SMU1: variants seen among roughly 807,000 people sequenced by gnomAD.
SMU1 encodes the protein SMU1 DNA replication regulator and spliceosomal factor, also known as WD40 repeat-containing protein SMU1.
SMU1 carries 2 observed loss-of-function variants against 62.0 expected under a neutral mutation model. The observed-to-expected ratio is 0.03, with a 90% CI of 0.01 to 0.10. The LOEUF (loss-of-function observed/expected upper bound fraction) is 0.10, where lower values mean the gene tolerates loss of function less well. Among genes scored for constraint, SMU1 ranks in the 10% least tolerant of loss-of-function variants. The probability of loss-of-function intolerance (pLI) is 1.00; values close to 1 mark genes in which losing one functional copy is unlikely to be tolerated. For missense variants in SMU1, 227 were observed against 622.1 expected (o/e 0.36, Z 6.76); for synonymous variants, 188 against 212.4 (o/e 0.89, Z 1.00).
intron 1 of SMU1, among the ~76,000 whole-genome samples, chr9:33,074,591 G>A (rs1256137118): frequency 2.6e-5 from 4 of 152,048 alleles, no homozygotes; most frequent in Admixed American, 1.3e-4. Flanking sequence ...GCCTGGGAAA[G>A]AGAGCAAGAC....
At chr9:33,070,692 G>C (rs1839476160) in intron 3 of SMU1, among the ~76,000 whole-genome samples, 1 of 152,158 alleles carries the variant, frequency 6.6e-6, no homozygotes. Context: ...GTACTAGCTG[G>C]ACATATAAAA....
intron 6 of SMU1, 21 bp downstream of exon 6, chr9:33,060,441 GTTA>G: frequency 6.3e-7 from 1 of 1,585,572 alleles, no homozygotes; most frequent in Non-Finnish European, 8.5e-7. Flanking sequence ...CACTAGGAAG[GTTA>G]ACACATTTAA....
intron 4 of SMU1, among the ~76,000 whole-genome samples, chr9:33,066,711 CAGG>C (rs1314122265): frequency 2.0e-5 from 3 of 151,722 alleles, no homozygotes; most frequent in Admixed American, 2.0e-4. Flanking sequence ...GAGGCTGAGG[CAGG>C]AGAATTGCTC....
chr9:33,053,337 T>A (rs755548712), intron 9 of SMU1, 47 bp from the exon 10 acceptor site: 1 of 1,555,502 alleles, frequency 6.4e-7, no homozygotes, highest in East Asian at 2.3e-5. Flanking sequence ...GGTATAAAAA[T>A]TTCTAAAGTT....
chr9:33,074,772 C>CTTTTTT (rs757049046), intron 1 of SMU1, among the ~76,000 whole-genome samples: 5 of 133,960 alleles, frequency 3.7e-5, no homozygotes, highest in Admixed American at 7.7e-5. Flanking sequence ...CAAACATCCT[C>CTTTTTT]TTTTTTTTTT....
At chr9:33,073,303 C>T (rs1330975914) in intron 2 of SMU1, among the ~76,000 whole-genome samples, 1 of 151,896 alleles carries the variant, frequency 6.6e-6, no homozygotes, top group African/African-American at 2.4e-5. Flanking sequence ...GAGGCTGAGG[C>T]AGGAGGAAGG....
At position 33,072,245 on chromosome 9, in the gene SMU1, G is replaced by A. The variant is rs1481756591; in HGVS notation, c.238-353C>T. 5.9e-5 allele frequency among the ~76,000 whole-genome samples: 9 copies of A among 152,166 alleles called. No homozygotes were observed. The East Asian group carries it at 9.6e-4, about 16-fold the overall frequency. The stretch of plus-strand genomic sequence containing the variant: ...CCAGCTACTTGGGAGGCTGAGGCAG[G>A]AGAATTGCTTGAACCCGAGAGGCGG... On this transcript the variant is annotated intron_variant, in intron 2 of 11. Transcript: ENST00000397149.
chr9:33,042,325 A>G lies in SMU1; in HGVS notation c.*4968T>C, dbSNP rs1839135152. ...GTAAGCAGCCATATTTAATTCTCAG[A>G]ACAATGTAATGAGGGAGAGCCTATG... On this transcript the variant is annotated 3_prime_UTR_variant, in exon 12 of 12. Transcript: ENST00000397149. The G allele has an allele frequency of 6.5e-6, 1 of 152,808 alleles. No individual in the cohort carries two copies. Among genetic ancestry groups the G allele is most frequent in the African/African-American group, 2.4e-5 (1 of 41,438 alleles). The allele number at this position is 152,808 out of a possible 1,614,324, so 9.5% of individuals were successfully genotyped here.
At chr9:33,074,504 GGAA>G (rs1172371242) in intron 1 of SMU1, among the ~76,000 whole-genome samples, 2 of 152,074 alleles carry the variant, frequency 1.3e-5, no homozygotes, top group African/African-American at 4.8e-5. Flanking sequence ...CAGCTACCTG[GGAA>G]GCTGGGGTGG....
At position 33,067,297 on chromosome 9, in the gene SMU1, CAAAAAAAA is replaced by C. The variant is rs58105257; in HGVS notation, c.501+1519_501+1526del. Among the ~76,000 whole-genome samples the C allele has an allele frequency of 1.9e-4, 10 of 52,746 alleles. No homozygotes were observed. In the Admixed American group the frequency reaches 2.2e-3, roughly 11 times the overall value. The allele number at this position is 52,746 out of a possible 152,430, so 34.6% of individuals were successfully genotyped here. A position where few individuals can be genotyped will look rare whatever the true frequency, so the allele number is the denominator to read the frequency against. ...CTGAAGAAAGTTAGTTGCTAATGAC[CAAAAAAAA>C]AAAAAAAAAAAAAAAAAAATCAGGT... is the stretch of plus-strand genomic sequence containing the variant. On this transcript the variant is annotated intron_variant, in intron 4 of 11. Transcript: ENST00000397149.
Position 33,075,890 on chromosome 9 carries a change from C to T in SMU1, c.26+693G>A, listed in dbSNP as rs535032479. 1.9e-3 allele frequency among the ~76,000 whole-genome samples: 283 copies of T among 152,296 alleles called. 2 individuals are homozygous for T. Among genetic ancestry groups the T allele is most frequent in the African/African-American group, 6.2e-3 (259 of 41,552 alleles). On this transcript the variant is annotated intron_variant, in intron 1 of 11. Coordinates refer to ENST00000397149, the MANE Select transcript of SMU1 (RefSeq NM_018225.3). ...GTCTTCTTTAGTCACTAATTCTCATCCCCTATTCCTTGAAAATTTTTCTTT... is the reference window on the plus strand; with the variant it reads ...GTCTTCTTTAGTCACTAATTCTCATTCCCTATTCCTTGAAAATTTTTCTTT...
intron 5 of SMU1, 29 bp downstream of exon 5, chr9:33,062,020 C>T (rs1353897001): frequency 4.4e-6 from 7 of 1,609,146 alleles, no homozygotes; most frequent in Non-Finnish European, 5.9e-6. Context: ...CAAATGATTA[C>T]TGACTGGCTG....
chr9:33,051,850 T>A (rs971137868), intron 10 of SMU1, among the ~76,000 whole-genome samples: 9 of 151,370 alleles, frequency 5.9e-5, no homozygotes, highest in Admixed American at 4.6e-4. Context: ...AGGTCAGGAG[T>A]TCGAGACCAG....
In SMU1 at chr9:33,048,145, A is replaced by G. The variant is rs1413103032; in HGVS notation, c.1404T>C (p.Cys468=). 1.2e-6 allele frequency: 2 copies of G among 1,613,996 alleles called. No individual in the cohort carries two copies. Among genetic ancestry groups the G allele is most frequent in the African/African-American group, 2.7e-5 (2 of 74,900 alleles). Residue 468 remains cysteine, a synonymous_variant, in exon 11 of 12, where the codon TGT becomes TGC. Transcript: ENST00000397149. Reference sequence around the variant, plus strand: ...CCAGTTTGCCAGTGACTGTACTGAAACAGTAGAGCACAAAGTCCTCCCCTA... The same window carrying G: ...CCAGTTTGCCAGTGACTGTACTGAAGCAGTAGAGCACAAAGTCCTCCCCTA... ...YCVGEDFVLY[C]FSTVTGKLER...
At chr9:33,073,565 C>A in intron 2 of SMU1, 31 bp downstream of exon 2, 1 of 1,566,368 alleles carries the variant, frequency 6.4e-7, no homozygotes, top group East Asian at 2.2e-5. Flanking sequence ...ACGAACCAAC[C>A]CATGGGGATC....
intron 4 of SMU1, among the ~76,000 whole-genome samples, chr9:33,062,964 G>T (rs1001637204): frequency 6.6e-6 from 1 of 152,082 alleles, no homozygotes; most frequent in African/African-American, 2.4e-5. Flanking sequence ...CATTATGAGG[G>T]GTGAAATAAT....
Position 33,042,192 on chromosome 9 carries a change from CT to C in SMU1, c.*5100del, listed in dbSNP as rs1839133790. ...AAACCGCAATTACTTTTGCACTAAC[CT>C]AATAGTTATATCCTGAAGAGGCAGA... On this transcript the variant is annotated 3_prime_UTR_variant, in exon 12 of 12. Transcript: ENST00000397149. 1 of 152,590 alleles carries C rather than the reference CT, an allele frequency of 6.6e-6. No individual in the cohort carries two copies. Among genetic ancestry groups the C allele is most frequent in the South Asian group, 2.1e-4 (1 of 4,822 alleles). The allele number at this position is 152,590 out of a possible 1,614,324, so 9.5% of individuals were successfully genotyped here.
rs1372821598 is a variant in SMU1, at chr9:33,042,313, T to C, written c.*4980A>G. Reference sequence around the variant, plus strand: ...CTTCATTACTATGTAAGCAGCCATATTTAATTCTCAGAACAATGTAATGAG... The same window carrying C: ...CTTCATTACTATGTAAGCAGCCATACTTAATTCTCAGAACAATGTAATGAG... On this transcript the variant is annotated 3_prime_UTR_variant, in exon 12 of 12. Coordinates refer to ENST00000397149, the MANE Select transcript of SMU1 (RefSeq NM_018225.3). The C allele has an allele frequency of 6.5e-6, 1 of 152,888 alleles. No individual in the cohort carries two copies. Among genetic ancestry groups the C allele is most frequent in the African/African-American group, 2.4e-5 (1 of 41,456 alleles). 9.5% of individuals were successfully genotyped at this position (152,888 alleles called of 1,614,324 possible). A position where few individuals can be genotyped will look rare whatever the true frequency, so the allele number is the denominator to read the frequency against.
intron 10 of SMU1, among the ~76,000 whole-genome samples, chr9:33,050,283 G>C (rs1839228251): frequency 6.6e-6 from 1 of 152,046 alleles, no homozygotes; most frequent in Non-Finnish European, 1.5e-5. Flanking sequence ...ATTCACCAAG[G>C]GTGAGAATAC....
Sources: allele counts gnomAD v4.1 joint callset (sites outside exome capture counted in the v4.1 genomes callset), GRCh38; gene constraint gnomAD v4.1.1; transcripts MANE v1.5; gene names NCBI Gene and HGNC (gene_info 2026-07-23, HGNC 2026-07-21).